Variants in ETFDH observed in about 807,000 individuals in gnomAD.
The protein encoded by ETFDH is electron transfer flavoprotein dehydrogenase, also known as electron transfer flavoprotein-ubiquinone oxidoreductase, mitochondrial.
In ETFDH, 61 loss-of-function variants were observed where a neutral mutation model predicts 73.2. The ratio of observed to expected loss-of-function variants is 0.83; its 90% CI spans 0.68 to 1.03. The LOEUF (loss-of-function observed/expected upper bound fraction) is 1.03, where lower values mean the gene tolerates loss of function less well. ETFDH is among the 50% of genes least tolerant of loss of function. The pLI, the probability that ETFDH is intolerant of heterozygous loss-of-function variation, is 0.00. For missense variants in ETFDH, 685 were observed against 745.0 expected, an observed-to-expected ratio of 0.92 and a Z score of 0.94; for synonymous variants, 243 against 253.3, an observed-to-expected ratio of 0.96 and a Z score of 0.39.
chr4:158,685,196 T>C lies in ETFDH; in HGVS notation c.583T>C (p.Tyr195His), dbSNP rs970167215. The C allele has an allele frequency of 1.2e-6, 2 of 1,604,642 alleles. No homozygotes were observed. The highest frequency in any genetic ancestry group is 1.7e-6 in the Non-Finnish European group (2 of 1,171,506). ...AGCAGAAGCCCTTGGTGTTGAAGTA[T>C]ACCCTGGTTATGCAGCTGCTGAGGT... ...EQAEALGVEV[Y>H]PGYAAAEVLF... The change falls in exon 5 of 13, where the codon TAC (tyrosine) becomes CAC (histidine). Residue 195 changes from tyrosine to histidine, a missense_variant. Physicochemically the swap from Tyr to His is moderately conservative, Grantham distance 83 (BLOSUM62 2). This residue lies in a region of ETFDH where 405 missense variants were observed against 399.3 expected (regional missense o/e 1.01). Transcript: ENST00000511912.
At chr4:158,693,872 C>T (rs1774242500) in intron 6 of ETFDH, among the ~76,000 whole-genome samples, 1 of 152,112 alleles carries the variant, frequency 6.6e-6, no homozygotes, top group African/African-American at 2.4e-5. Flanking sequence ...AAAAAGACAA[C>T]ACATTGGAAA....
At chr4:158,681,279 A>G (rs1317040180) in intron 2 of ETFDH, among the ~76,000 whole-genome samples, 2 of 152,188 alleles carry the variant, frequency 1.3e-5, no homozygotes, top group Non-Finnish European at 2.9e-5. Context: ...AGAGTTTAAA[A>G]GGTAAAAGGA....
rs2150305273 is a variant in ETFDH, at chr4:158,682,363, C to G, written c.344C>G (p.Ser115Ter). ...GCCCAGATAGGAGCTCATACTCTCT[C>G]AGGGGCTTGCCTTGATCCAGGTGCT... ...KAAQIGAHTL[S>*]GACLDPGAFK... The change falls in exon 3 of 13, where the codon TCA (serine) becomes TGA (stop). Residue 115 changes from serine (S) to a stop codon, truncating the protein, a stop_gained. Transcript: ENST00000511912. LOFTEE classifies it high-confidence loss of function. 6.2e-7 allele frequency: 1 copy of G among 1,614,172 alleles called. No homozygotes were observed. The highest frequency in any genetic ancestry group is 8.5e-7 in the Non-Finnish European group (1 of 1,180,034).
intron 5 of ETFDH, among the ~76,000 whole-genome samples, chr4:158,689,668 C>T (rs1774111145): frequency 8.0e-6 from 1 of 124,552 alleles, no homozygotes; most frequent in Admixed American, 9.1e-5. Flanking sequence ...TCCATTGCTG[C>T]TAATCTTTTC....
At chr4:158,691,095 G>T (rs1561243223) in intron 6 of ETFDH, among the ~76,000 whole-genome samples, 1 of 152,068 alleles carries the variant, frequency 6.6e-6, no homozygotes, top group African/African-American at 2.4e-5. Context: ...ACATGTCAAA[G>T]ATTTTATTTC....
chr4:158,699,376 C>A (rs148008699), intron 9 of ETFDH, among the ~76,000 whole-genome samples: 142 of 152,212 alleles, frequency 9.3e-4, no homozygotes, highest in African/African-American at 3.4e-3. Context: ...GGGTAGTCTG[C>A]CTGGGCAACA....
chr4:158,682,016 C>A, intron 2 of ETFDH, 179 bp from the exon 3 acceptor site: 1 of 770,076 alleles, frequency 1.3e-6, no homozygotes, highest in Non-Finnish European at 2.1e-6. Context: ...TGTACTGGAA[C>A]AGAACCTAAG....
intron 6 of ETFDH, among the ~76,000 whole-genome samples, chr4:158,692,057 G>C (rs1214552759): frequency 6.6e-6 from 1 of 152,160 alleles, no homozygotes; most frequent in Non-Finnish European, 1.5e-5. Context: ...GGAATCTACA[G>C]TCTCTTCCAG....
chr4:158,674,121 A>G (rs1427540314), intron 1 of ETFDH, among the ~76,000 whole-genome samples: 1 of 152,248 alleles, frequency 6.6e-6, no homozygotes, highest in Non-Finnish European at 1.5e-5. Flanking sequence ...AGAAGTAAAT[A>G]ACTTCTATGC....
chr4:158,696,679 G>C (rs923681478), intron 7 of ETFDH, among the ~76,000 whole-genome samples: 1 of 152,128 alleles, frequency 6.6e-6, no homozygotes, highest in Admixed American at 6.5e-5. Context: ...TAAAATTTCA[G>C]ATAGAAATTG....
chr4:158,678,716 T>C (rs997852625), intron 1 of ETFDH, among the ~76,000 whole-genome samples: 1 of 151,176 alleles, frequency 6.6e-6, no homozygotes, highest in Admixed American at 6.6e-5. Context: ...GACGTGGTCC[T>C]AGCTCACTGT....
intron 5 of ETFDH, among the ~76,000 whole-genome samples, chr4:158,688,442 T>G (rs1297181397): frequency 1.4e-5 from 2 of 147,794 alleles, no homozygotes; most frequent in African/African-American, 5.0e-5. Context: ...TCCCAGCACT[T>G]TGGAAGGCTG....
At chr4:158,695,741 T>C in intron 7 of ETFDH, 98 bp downstream of exon 7, 1 of 842,590 alleles carries the variant, frequency 1.2e-6, no homozygotes, top group Non-Finnish European at 2.0e-6. Context: ...ATTTTAGTTA[T>C]ATTTTTTCAT....
chr4:158,708,301 A>T (rs1580425500), intron 12 of ETFDH, 63 bp from the exon 13 acceptor site: 2 of 1,257,514 alleles, frequency 1.6e-6, no homozygotes. Flanking sequence ...CTTAATTTTT[A>T]CTTTTGAATT....
intron 5 of ETFDH, among the ~76,000 whole-genome samples, chr4:158,688,632 C>T (rs1197644266): frequency 6.6e-6 from 1 of 150,758 alleles, no homozygotes; most frequent in East Asian, 2.0e-4. Flanking sequence ...GAGATCACGC[C>T]ACTGCACTCC....
intron 5 of ETFDH, among the ~76,000 whole-genome samples, chr4:158,688,611 T>C (rs1580404165): frequency 6.6e-6 from 1 of 151,974 alleles, no homozygotes; most frequent in African/African-American, 2.4e-5. Context: ...AGGCAGAGCT[T>C]GCAGTAAGTC....
chr4:158,679,478 GAA>G (rs1485378460), intron 1 of ETFDH: 1 of 152,180 alleles, frequency 6.6e-6, no homozygotes, highest in Non-Finnish European at 1.5e-5. Flanking sequence ...ATCAACGGGA[GAA>G]AAGACATCTC....
At chr4:158,701,901 T>C (rs1774471200) in intron 9 of ETFDH, among the ~76,000 whole-genome samples, 1 of 152,196 alleles carries the variant, frequency 6.6e-6, no homozygotes, top group South Asian at 2.1e-4. Flanking sequence ...CTGAAAAATA[T>C]CCCACCCTTA....
intron 8 of ETFDH, 70 bp from the exon 9 acceptor site, chr4:158,698,917 T>C (rs1774383977): frequency 3.6e-6 from 4 of 1,124,378 alleles, no homozygotes; most frequent in African/African-American, 3.1e-5. Context: ...CTGATAAACA[T>C]TGCTTACATT....
Sources: allele counts gnomAD v4.1 joint callset (sites outside exome capture counted in the v4.1 genomes callset), GRCh38; gene constraint gnomAD v4.1.1; regional missense constraint gnomAD v4.1.1; transcripts MANE v1.5; gene names NCBI Gene and HGNC (gene_info 2026-07-23, HGNC 2026-07-21).